SYT14: variants seen among roughly 807,000 people sequenced by gnomAD.
SYT14 encodes the protein synaptotagmin 14.
SYT14 carries 32 observed loss-of-function variants against 74.2 expected under a neutral mutation model. The observed-to-expected ratio is 0.43, with a 90% confidence interval of 0.33 to 0.58. SYT14 has a LOEUF of 0.58. SYT14 is among the 20% of genes least tolerant of loss of function. The pLI, the probability that SYT14 is intolerant of heterozygous loss-of-function variation, is 0.05. For missense variants in SYT14, 791 were observed against 981.8 expected (o/e 0.81, Z 2.60); for synonymous variants, 298 against 337.7 (o/e 0.88, Z 1.29).
intron 5 of SYT14, among the ~76,000 whole-genome samples, chr1:210,066,817 GT>G (rs1389485901): frequency 8.3e-4 from 126 of 152,118 alleles, no homozygotes; most frequent in African/African-American, 2.9e-3. Context: ...AATGAAAAGT[GT>G]TTGATGAATT....
intron 2 of SYT14, among the ~76,000 whole-genome samples, chr1:209,998,929 A>C (rs1255817304): frequency 2.0e-5 from 3 of 152,150 alleles, no homozygotes; most frequent in Non-Finnish European, 4.4e-5. Flanking sequence ...AAAACCCCCC[A>C]AAATAGACAA....
At chr1:210,152,086 CTA>C (rs1430980306) in intron 7 of SYT14, among the ~76,000 whole-genome samples, 3 of 152,198 alleles carry the variant, frequency 2.0e-5, no homozygotes, top group Admixed American at 6.5e-5. Flanking sequence ...GTTTTTGACA[CTA>C]TTTTCATAAG....
Position 210,031,897 on chromosome 1 carries a change from A to AT in SYT14, c.1312+10649dup, listed in dbSNP as rs1040470347. On this transcript the variant is annotated intron_variant, in intron 5 of 9. Coordinates refer to ENST00000637265, the Ensembl canonical transcript of SYT14. ...AATGCCCACCTATTGTTGTTTAGGG[A>AT]TTTTTTCTAAAAGAAGGTAACAAGA... Among the ~76,000 whole-genome samples, 29 of 146,820 alleles carry AT rather than the reference A, an allele frequency of 2.0e-4. 1 individual carries two copies. The highest frequency in any genetic ancestry group is 6.4e-4 in the African/African-American group (26 of 40,822).
At chr1:209,989,748 A>G (rs534355762) in intron 2 of SYT14, among the ~76,000 whole-genome samples, 26 of 152,296 alleles carry the variant, frequency 1.7e-4, no homozygotes, top group Admixed American at 1.6e-3. Context: ...TAGTAGATAT[A>G]TGGTGCCATC....
chr1:210,166,091 T>A (rs1450812716), exon 10 of SYT14: 1 of 152,172 alleles, frequency 6.6e-6, no homozygotes, highest in Non-Finnish European at 1.5e-5. Context: ...ACCGTGGGAT[T>A]TAGTAGAAGA....
chr1:210,068,195 A>G (rs1355028681), intron 5 of SYT14, among the ~76,000 whole-genome samples: 1 of 151,848 alleles, frequency 6.6e-6, no homozygotes, highest in Non-Finnish European at 1.5e-5. Context: ...TGGAAATCAC[A>G]TGGATTTTAT....
At chr1:210,021,242 T>C in exon 5 of SYT14, 1 of 1,613,926 alleles carries the variant, frequency 6.2e-7, no homozygotes, top group South Asian at 1.1e-5. Context: ...TAGTGAAGCA[T>C]CAATAGATGA....
At chr1:209,963,173 A>G (rs2079103315) in intron 2 of SYT14, among the ~76,000 whole-genome samples, 1 of 152,278 alleles carries the variant, frequency 6.6e-6, no homozygotes, top group East Asian at 1.9e-4. Flanking sequence ...TTTACTCTGA[A>G]TAGACATTAT....
intron 2 of SYT14, among the ~76,000 whole-genome samples, chr1:210,011,919 TA>T (rs1229568191): frequency 6.6e-6 from 1 of 152,118 alleles, no homozygotes; most frequent in African/African-American, 2.4e-5. Flanking sequence ...ATGACTGATA[TA>T]GGGGCAAATA....
exon 10 of SYT14, chr1:210,161,442 A>G (rs906493814): frequency 6.6e-6 from 3 of 454,776 alleles, no homozygotes; most frequent in African/African-American, 6.0e-5. Context: ...TATTTATAAA[A>G]CATAGTTTGA....
At chr1:209,951,292 CCTT>C (rs772624465) in intron 1 of SYT14, among the ~76,000 whole-genome samples, 5 of 152,156 alleles carry the variant, frequency 3.3e-5, no homozygotes, top group Admixed American at 1.3e-4. Context: ...CTCTCCATTC[CCTT>C]CTTCTCTCCC....
chr1:210,101,353 C>G (rs1369239027), intron 7 of SYT14, among the ~76,000 whole-genome samples: 1 of 151,864 alleles, frequency 6.6e-6, no homozygotes, highest in East Asian at 1.9e-4. Flanking sequence ...TAAAGGTATA[C>G]TATTTTAGTG....
intron 7 of SYT14, among the ~76,000 whole-genome samples, chr1:210,153,248 G>C (rs2083203270): frequency 6.6e-6 from 1 of 152,036 alleles, no homozygotes; most frequent in African/African-American, 2.4e-5. Context: ...ACCACATTTG[G>C]TATTCTTTTA....
chr1:210,092,218 A>G (rs1019895532), intron 5 of SYT14, among the ~76,000 whole-genome samples: 7 of 152,208 alleles, frequency 4.6e-5, no homozygotes, highest in African/African-American at 1.7e-4. Flanking sequence ...GTTTGGAGGT[A>G]GGTATTTAGT....
At chr1:210,151,839 G>A (rs924988577) in intron 7 of SYT14, among the ~76,000 whole-genome samples, 3 of 152,078 alleles carry the variant, frequency 2.0e-5, no homozygotes, top group African/African-American at 7.2e-5. Flanking sequence ...AGTGAAGTGG[G>A]GAGTGTTTTC....
chr1:210,079,037 GC>G (rs1212360064), intron 5 of SYT14, among the ~76,000 whole-genome samples: 1 of 151,992 alleles, frequency 6.6e-6, no homozygotes, highest in African/African-American at 2.4e-5. Context: ...ATAGGTGTGA[GC>G]CTCTGCGCCC....
intron 7 of SYT14, among the ~76,000 whole-genome samples, chr1:210,140,837 A>T (rs1241106279): frequency 6.6e-6 from 1 of 152,142 alleles, no homozygotes; most frequent in Non-Finnish European, 1.5e-5. Context: ...TGAACTGTCA[A>T]TTATAGTTCG....
intron 5 of SYT14, among the ~76,000 whole-genome samples, chr1:210,093,271 A>G (rs1373116234): frequency 6.6e-6 from 1 of 152,202 alleles, no homozygotes. Context: ...CAGAGGAACT[A>G]TTGAATATTT....
chr1:210,023,348 A>G (rs930251582), intron 5 of SYT14, among the ~76,000 whole-genome samples: 1 of 152,080 alleles, frequency 6.6e-6, no homozygotes, highest in Non-Finnish European at 1.5e-5. Flanking sequence ...AATTAAAAAA[A>G]GACAAACTTT....
Sources: gnomAD v4.1 joint callset for allele counts (sites outside exome capture counted in the v4.1 genomes callset) on GRCh38, gnomAD v4.1.1 for gene constraint, MANE v1.5 for transcripts, NCBI Gene and HGNC (gene_info 2026-07-23, HGNC 2026-07-21) for gene names.